The following SEPTIN4 variants were observed in gnomAD, a reference collection of about 807,000 sequenced individuals.
SEPTIN4 encodes septin-4.
Under a neutral mutation model 107.1 loss-of-function variants are expected in SEPTIN4, and 52 were observed. The ratio of observed to expected loss-of-function variants is 0.49; its 90% CI spans 0.39 to 0.61. The LOEUF (loss-of-function observed/expected upper bound fraction) is 0.61, where lower values mean the gene tolerates loss of function less well. Among genes scored for constraint, SEPTIN4 ranks in the 20% least tolerant of loss-of-function variants. The probability of loss-of-function intolerance (pLI) is 0.00; values close to 1 mark genes in which losing one functional copy is unlikely to be tolerated. For missense variants in SEPTIN4, 1,048 were observed against 1,243.5 expected (o/e 0.84, Z 2.36); for synonymous variants, 417 against 467.0 (o/e 0.89, Z 1.38).
intron 1 of SEPTIN4, 43 bp from the exon 2 acceptor site, chr17:58,542,009 G>C (rs2043892070): frequency 1.3e-6 from 2 of 1,598,378 alleles, no homozygotes; most frequent in East Asian, 4.5e-5. Flanking sequence ...CTCTCTGTGG[G>C]ATGCACATCC....
At chr17:58,525,375 C>A in intron 6 of SEPTIN4, 174 bp from the exon 7 acceptor site, 1 of 763,492 alleles carries the variant, frequency 1.3e-6, no homozygotes, top group Non-Finnish European at 2.1e-6. Flanking sequence ...GTACATTTCC[C>A]AACACAGGAA....
rs1488218064 is a variant in SEPTIN4, at chr17:58,543,095, C to T, written c.1092G>A (p.Met364Ile). 3 of 1,612,360 alleles carry T rather than the reference C, an allele frequency of 1.9e-6. No individual in the cohort carries two copies. The highest frequency in any genetic ancestry group is 1.7e-6 in the Non-Finnish European group (2 of 1,179,200). Residue 364 changes from methionine to isoleucine, a missense_variant, in exon 1 of 14, where the codon ATG (methionine) becomes ATA (isoleucine). Met to Ile is a conservative substitution (Grantham distance 10). Around this residue, in one of 2 missense-constraint regions of SEPTIN4, gnomAD observed 787 missense variants for 871.8 expected, o/e 0.90. Coordinates refer to ENST00000672673, the MANE Select transcript of SEPTIN4 (RefSeq NM_001368771.2). Reference sequence around the variant, plus strand: ...TATAGATGGGCTCTGGAGTAACAAACATGGATGACTTGTGGGAGCCCTCAG... The same window carrying T: ...TATAGATGGGCTCTGGAGTAACAAATATGGATGACTTGTGGGAGCCCTCAG... Reference protein sequence around the residue: ...SVSEGSHKSSMFVTPEPIYKQ... With the variant: ...SVSEGSHKSSIFVTPEPIYKQ...
intron 3 of SEPTIN4, chr17:58,528,078 C>A: frequency 1.0e-6 from 1 of 974,402 alleles, no homozygotes; most frequent in Non-Finnish European, 1.2e-6. Context: ...ACAATACCCA[C>A]GTGCCACCCC....
Position 58,540,656 on chromosome 17 carries a change from G to A in SEPTIN4, c.1614+10C>T, listed in dbSNP as rs897075015. The A allele has an allele frequency of 7.3e-7, 1 of 1,362,204 alleles. No individual in the cohort carries two copies. The highest frequency in any genetic ancestry group is 1.8e-5 in the South Asian group (1 of 54,128). The allele number at this position is 1,362,204 out of a possible 1,614,324, so 84.4% of individuals were successfully genotyped here. On this transcript the variant is annotated intron_variant, in intron 3 of 13. Transcript: ENST00000672673. ...GAAGACTGGGAGTAACCTCCCAGGG[G>A]CATTCTTACCTCCTCATCTGTCATA... is the stretch of plus-strand genomic sequence containing the variant.
Position 58,521,464 on chromosome 17 carries a change from A to C in SEPTIN4, c.2571+81T>G. ...GAAGCCAGGGTCCTTTCCCACCCTGATAGCCTGAATATAGAATTCTACTCC... is the reference window on the plus strand; with the variant it reads ...GAAGCCAGGGTCCTTTCCCACCCTGCTAGCCTGAATATAGAATTCTACTCC... On this transcript the variant is annotated intron_variant, in intron 10 of 13. Transcript: ENST00000672673. The surrounding 1 kb of genome is among the most constrained non-coding windows in gnomAD (Gnocchi z 6.4). 1 of 1,570,082 alleles carries C rather than the reference A, an allele frequency of 6.4e-7. No individual in the cohort carries two copies. The highest frequency in any genetic ancestry group is 8.8e-7 in the Non-Finnish European group (1 of 1,140,536).
chr17:58,543,922 C>T lies in SEPTIN4; in HGVS notation c.265G>A (p.Glu89Lys), dbSNP rs752008813. ...GATGATTCTGTTCTTGGTCCAGTCTCGGGTCCCCGAGGAGTGGGTACTGCA... is the reference window on the plus strand; with the variant it reads ...GATGATTCTGTTCTTGGTCCAGTCTTGGGTCCCCGAGGAGTGGGTACTGCA... ...HYAVPTPRGPETGPRTESSRH... is the reference protein window; with the variant it reads ...HYAVPTPRGPKTGPRTESSRH... Residue 89 changes from glutamate (E) to lysine (K), a missense_variant, in exon 1 of 14, where the codon GAG becomes AAG. Physicochemically the swap from Glu to Lys is moderately conservative, Grantham distance 56 (BLOSUM62 1). Coordinates refer to ENST00000672673, the MANE Select transcript of SEPTIN4 (RefSeq NM_001368771.2). The T allele has an allele frequency of 1.4e-5, 22 of 1,613,928 alleles. 1 individual carries two copies. The highest frequency in any genetic ancestry group is 5.5e-5 in the South Asian group (5 of 91,066).
At chr17:58,527,880 A>T (rs1207278688) in intron 3 of SEPTIN4, 17 of 985,544 alleles carry the variant, frequency 1.7e-5, no homozygotes, top group Non-Finnish European at 2.0e-5. Flanking sequence ...ACCATGACCC[A>T]CAGGGAGTGG....
Position 58,525,101 on chromosome 17 carries a change from C to T in SEPTIN4, c.2193G>A (p.Gly731=). The change falls in exon 7 of 14, where the codon GGG becomes GGA. Residue 731 remains glycine, a synonymous_variant. Transcript: ENST00000672673. ...ACCACTCTGTGTTGTTGACTGCATCCCCAAAACCTGGTGTGTCCACAATGG... is the reference window on the plus strand; with the variant it reads ...ACCACTCTGTGTTGTTGACTGCATCTCCAAAACCTGGTGTGTCCACAATGG... ...RLTIVDTPGF[G]DAVNNTECWK... 6.2e-7 allele frequency: 1 copy of T among 1,614,192 alleles called. No homozygotes were observed. Among genetic ancestry groups the T allele is most frequent in the Non-Finnish European group, 8.5e-7 (1 of 1,180,030 alleles).
chr17:58,526,277 TG>T lies in SEPTIN4; in HGVS notation c.1947del (p.Asn650ThrfsTer8). The T allele has an allele frequency of 6.2e-7, 1 of 1,604,102 alleles. No homozygotes were observed. Among genetic ancestry groups the T allele is most frequent in the Non-Finnish European group, 8.5e-7 (1 of 1,175,130 alleles). On this transcript the variant is annotated frameshift_variant, in exon 5 of 14. Coordinates refer to ENST00000672673, the MANE Select transcript of SEPTIN4 (RefSeq NM_001368771.2). LOFTEE classifies it high-confidence loss of function. ...TTCACGGACTTTCGGTGGACTTGGT[TG>T]GGGAGGGTTGCAAAGCCCACATACT... Reference protein sequence around the residue: ...DKEYVGFATLPNQVHRKSVKK... With the variant: ...DKEYVGFATLXNQVHRKSVKK...
intron 3 of SEPTIN4, among the ~76,000 whole-genome samples, chr17:58,537,662 T>C (rs2043758721): frequency 6.6e-6 from 1 of 151,942 alleles, no homozygotes; most frequent in African/African-American, 2.4e-5. Context: ...AAACCTCGTC[T>C]CCACTAAAAA....
At chr17:58,523,734 C>T (rs986069946) in intron 7 of SEPTIN4, among the ~76,000 whole-genome samples, 2 of 151,850 alleles carry the variant, frequency 1.3e-5, no homozygotes, top group African/African-American at 2.4e-5. Flanking sequence ...ATTTTGAACA[C>T]GGGGCCCTAC....
At chr17:58,535,362 C>A (rs1186886065) in intron 3 of SEPTIN4, among the ~76,000 whole-genome samples, 2 of 152,204 alleles carry the variant, frequency 1.3e-5, no homozygotes, top group African/African-American at 4.8e-5. Flanking sequence ...CCTTCCAACA[C>A]CCTCCGTGAA....
chr17:58,541,816 TA>T lies in SEPTIN4; in HGVS notation c.1606+105del, dbSNP rs755707373. The stretch of plus-strand genomic sequence containing the variant: ...TTCTTCAGGTCAAAATCCCAGCATT[TA>T]TCTCCTAAACGACCCAGCTCTGTAG... On this transcript the variant is annotated intron_variant, in intron 2 of 13. Coordinates refer to ENST00000672673, the MANE Select transcript of SEPTIN4 (RefSeq NM_001368771.2). The T allele has an allele frequency of 1.5e-4, 239 of 1,611,430 alleles. 1 individual carries two copies. The highest frequency in any genetic ancestry group is 2.0e-4 in the Non-Finnish European group (234 of 1,178,728).
At chr17:58,542,330 C>A (rs551093636) in intron 1 of SEPTIN4, among the ~76,000 whole-genome samples, 10 of 152,330 alleles carry the variant, frequency 6.6e-5, no homozygotes, top group African/African-American at 2.2e-4. Context: ...CAGGAAGCAG[C>A]TTTCAACCCT....
In SEPTIN4 at chr17:58,533,786, A is replaced by T. The variant is rs532826804; in HGVS notation, c.1615-6808T>A. 3.9e-5 allele frequency among the ~76,000 whole-genome samples: 6 copies of T among 152,330 alleles called. No individual in the cohort carries two copies. The South Asian group carries it at 1.2e-3, about 32-fold the overall frequency. On this transcript the variant is annotated intron_variant, in intron 3 of 13. Coordinates refer to ENST00000672673, the MANE Select transcript of SEPTIN4 (RefSeq NM_001368771.2). ...GCCCCAAATGTCAAGCTTGGACTATACAAAGCCCCACTGTTCAAAGCCCTG... is the reference window on the plus strand; with the variant it reads ...GCCCCAAATGTCAAGCTTGGACTATTCAAAGCCCCACTGTTCAAAGCCCTG...
intron 3 of SEPTIN4, chr17:58,529,185 T>C (rs751463074): frequency 1.9e-6 from 3 of 1,614,196 alleles, no homozygotes; most frequent in South Asian, 2.2e-5. Flanking sequence ...GTCCCACGCT[T>C]CAGACTCCCT....
intron 3 of SEPTIN4, chr17:58,531,659 A>C (rs1029536802): frequency 1.0e-5 from 2 of 190,790 alleles, no homozygotes; most frequent in African/African-American, 4.7e-5. Context: ...TCCCCAGCCC[A>C]ACAAGCGCGT....
At chr17:58,529,424 A>G (rs1331467989) in intron 3 of SEPTIN4, 3 of 1,392,204 alleles carry the variant, frequency 2.2e-6, no homozygotes, top group Non-Finnish European at 2.8e-6. Context: ...GCTCAGCTGC[A>G]GCAGGATCAC....
At chr17:58,541,474 A>G in intron 2 of SEPTIN4, 1 of 221,572 alleles carries the variant, frequency 4.5e-6, no homozygotes, top group Non-Finnish European at 8.9e-6. Context: ...CAGCACCAAT[A>G]AGTACCCCAG....
Sources: gnomAD v4.1 joint callset for allele counts (sites outside exome capture counted in the v4.1 genomes callset) on GRCh38, gnomAD v4.1.1 for gene constraint, gnomAD v4.1.1 regional missense constraint, Gnocchi (gnomAD v3.1) non-coding constraint, MANE v1.5 for transcripts, NCBI Gene and HGNC (gene_info 2026-07-23, HGNC 2026-07-21) for gene names.